Variants in RGS5 observed in about 807,000 individuals in gnomAD.
RGS5 encodes regulator of G-protein signalling 5.
In RGS5, 20 loss-of-function variants were observed where a neutral mutation model predicts 18.9. That is an observed-to-expected ratio of 1.06 (90% CI 0.74 to 1.54). The LOEUF (loss-of-function observed/expected upper bound fraction) is 1.54, where lower values mean the gene tolerates loss of function less well. RGS5 is among the 40% of genes most tolerant of loss of function. The probability of loss-of-function intolerance (pLI) is 0.00; values close to 1 mark genes in which losing one functional copy is unlikely to be tolerated. For synonymous variants in RGS5, 57 were observed against 76.2 expected, an observed-to-expected ratio of 0.75 and a Z score of 1.31; for missense variants, 201 against 211.8, an observed-to-expected ratio of 0.95 and a Z score of 0.32.
intron 2 of RGS5, among the ~76,000 whole-genome samples, chr1:163,275,703 G>A (rs10158993): frequency 0.19 from 28,227 of 152,080 alleles, 2,680 homozygotes; most frequent in Middle Eastern, 0.25. Flanking sequence ...TTTTTCAGGA[G>A]AGGATATGTT....
At chr1:163,213,499 G>T (rs1660150800) in intron 1 of RGS5, among the ~76,000 whole-genome samples, 1 of 152,126 alleles carries the variant, frequency 6.6e-6, no homozygotes, top group African/African-American at 2.4e-5. Context: ...TAACCATGAG[G>T]CAGCAAGCAT....
intron 2 of RGS5, among the ~76,000 whole-genome samples, chr1:163,273,544 T>G (rs1189755841): frequency 1.3e-5 from 2 of 152,168 alleles, no homozygotes; most frequent in African/African-American, 4.8e-5. Context: ...CTGCTGAAAT[T>G]TTCTATTCAT....
intron 2 of RGS5, among the ~76,000 whole-genome samples, chr1:163,229,916 C>T (rs1647434938): frequency 6.6e-6 from 1 of 152,082 alleles, no homozygotes; most frequent in Non-Finnish European, 1.5e-5. Context: ...ATACCTGGCT[C>T]ATAGTAGGTC....
At chr1:163,156,475 A>G (rs1413408860) in intron 3 of RGS5, among the ~76,000 whole-genome samples, 1 of 152,170 alleles carries the variant, frequency 6.6e-6, no homozygotes, top group Non-Finnish European at 1.5e-5. Context: ...TTGCTCTTGA[A>G]GATTTTTATC....
chr1:163,260,683 CAAT>C (rs1489749945), intron 2 of RGS5: 1 of 143,802 alleles, frequency 7.0e-6, no homozygotes, highest in Non-Finnish European at 1.5e-5. Flanking sequence ...AAAAAAAAAA[CAAT>C]ATTAGTGAAC....
chr1:163,146,192 A>G lies in RGS5; in HGVS notation c.*1150T>C, dbSNP rs1309850630. 6.6e-6 allele frequency: 1 copy of G among 152,082 alleles called. No homozygotes were observed. Among genetic ancestry groups the G allele is most frequent in the Non-Finnish European group, 1.5e-5 (1 of 68,000 alleles). The allele number at this position is 152,082 out of a possible 1,614,324, so 9.4% of individuals were successfully genotyped here. On this transcript the variant is annotated 3_prime_UTR_variant, in exon 5 of 5. Transcript: ENST00000313961. ...TTTTGACTGTAAGTAAAATTTGCTAATGCAGGAAGCGAAATAGTGAAGGAA... is the reference window on the plus strand; with the variant it reads ...TTTTGACTGTAAGTAAAATTTGCTAGTGCAGGAAGCGAAATAGTGAAGGAA...
At chr1:163,158,961 C>T (rs927763932) in intron 3 of RGS5, among the ~76,000 whole-genome samples, 1 of 152,104 alleles carries the variant, frequency 6.6e-6, no homozygotes, top group Non-Finnish European at 1.5e-5. Flanking sequence ...AGAGGCCTCC[C>T]CTCAGGGACA....
intron 2 of RGS5, among the ~76,000 whole-genome samples, chr1:163,255,319 T>C (rs1271276417): frequency 6.6e-6 from 1 of 152,176 alleles, no homozygotes; most frequent in African/African-American, 2.4e-5. Context: ...CCTCTTTTAT[T>C]TCGTTGATCA....
intron 2 of RGS5, among the ~76,000 whole-genome samples, chr1:163,245,919 T>C (rs1373667798): frequency 2.0e-5 from 3 of 152,212 alleles, no homozygotes; most frequent in Non-Finnish European, 2.9e-5. Flanking sequence ...CAGCCATTTG[T>C]GAGAAAGAAT....
At chr1:163,268,841 G>A (rs968124139) in intron 2 of RGS5, among the ~76,000 whole-genome samples, 3 of 152,082 alleles carry the variant, frequency 2.0e-5, no homozygotes, top group Admixed American at 1.3e-4. Flanking sequence ...ATGGCATGGT[G>A]TATCTCTTAT....
chr1:163,305,819 C>T (rs1160524524), intron 2 of RGS5, among the ~76,000 whole-genome samples: 1 of 152,174 alleles, frequency 6.6e-6, no homozygotes, highest in Non-Finnish European at 1.5e-5. Context: ...CTTGACTATC[C>T]TCTTAGCCAA....
chr1:163,271,073 C>T (rs935897111), intron 2 of RGS5, among the ~76,000 whole-genome samples: 2 of 152,066 alleles, frequency 1.3e-5, no homozygotes, highest in African/African-American at 4.8e-5. Context: ...TTTGTTATTG[C>T]CTCCAAATTT....
chr1:163,201,276 G>A (rs560639590), intron 1 of RGS5, among the ~76,000 whole-genome samples: 2 of 152,158 alleles, frequency 1.3e-5, no homozygotes, highest in South Asian at 2.1e-4. Context: ...TTTTCTGTGC[G>A]TTTCTGGAAA....
At chr1:163,306,719 T>C (rs1286497154) in intron 1 of RGS5, among the ~76,000 whole-genome samples, 2 of 152,168 alleles carry the variant, frequency 1.3e-5, no homozygotes, top group Admixed American at 6.5e-5. Context: ...AATGTCCTTA[T>C]TAAAAAAAGG....
At chr1:163,211,582 G>T (rs1012879451) in intron 1 of RGS5, 2 of 152,066 alleles carry the variant, frequency 1.3e-5, no homozygotes, top group African/African-American at 2.4e-5. Context: ...TGTTTTGATA[G>T]AATTTTCTCT....
At chr1:163,227,609 C>T (rs1045453879) in intron 2 of RGS5, among the ~76,000 whole-genome samples, 1 of 151,098 alleles carries the variant, frequency 6.6e-6, no homozygotes, top group African/African-American at 2.4e-5. Flanking sequence ...CTCATGTCCT[C>T]ACATTTCAAA....
At chr1:163,308,892 C>T (rs183920972) in intron 1 of RGS5, among the ~76,000 whole-genome samples, 36 of 152,306 alleles carry the variant, frequency 2.4e-4, no homozygotes, top group African/African-American at 8.7e-4. Flanking sequence ...ACACTATAGT[C>T]TGTTAAATGT....
Position 163,168,312 on chromosome 1 carries a change from C to T in RGS5, c.101G>A (p.Gly34Asp). 1 of 1,613,878 alleles carries T rather than the reference C, an allele frequency of 6.2e-7. No homozygotes were observed. ...CTCATTGTACGGAATGACAAGGTCA[C>T]CAACTGAGTCTGGCTTCTGGAGGAG... ...GILLQKPDSV[G>D]DLVIPYNEKP... is the part of the protein sequence containing the mutation. Residue 34 changes from glycine (G) to aspartate (D), a missense_variant, in exon 2 of 5, where the codon GGT becomes GAT. Gly to Asp is a moderately conservative substitution (Grantham distance 94). Transcript: ENST00000313961.
chr1:163,267,011 T>TA (rs1335601575), intron 2 of RGS5, among the ~76,000 whole-genome samples: 1 of 152,110 alleles, frequency 6.6e-6, no homozygotes, highest in Non-Finnish European at 1.5e-5. Context: ...GTGCACTCCA[T>TA]AATTCTAGGA....
Sources: allele counts gnomAD v4.1 joint callset (sites outside exome capture counted in the v4.1 genomes callset), GRCh38; gene constraint gnomAD v4.1.1; transcripts MANE v1.5; gene names NCBI Gene and HGNC (gene_info 2026-07-23, HGNC 2026-07-21).